The following ZFC3H1 variants were observed in gnomAD, a reference collection of about 807,000 sequenced individuals.
ZFC3H1 encodes zinc finger C3H1 domain-containing protein.
A neutral mutation model predicts 243.7 loss-of-function variants in ZFC3H1; 71 were observed. The ratio of observed to expected loss-of-function variants is 0.29; its 90% CI spans 0.24 to 0.36. The LOEUF is 0.36. Ranked by LOEUF, ZFC3H1 falls within the 10% of genes least tolerant of loss-of-function variation. The pLI is 1.00. For missense variants in ZFC3H1, 1,966 were observed against 2,317.1 expected, an observed-to-expected ratio of 0.85 and a Z score of 3.11; for synonymous variants, 838 against 813.0, an observed-to-expected ratio of 1.03 and a Z score of -0.52.
chr12:71,625,954 C>T (rs1880154083), intron 22 of ZFC3H1, among the ~76,000 whole-genome samples: 2 of 151,960 alleles, frequency 1.3e-5, no homozygotes, highest in South Asian at 4.2e-4. Context: ...TTAACTTTGC[C>T]CAAACTAAAA....
chr12:71,629,355 CG>C (rs1420055154), intron 19 of ZFC3H1, among the ~76,000 whole-genome samples: 14 of 151,908 alleles, frequency 9.2e-5, no homozygotes, highest in Non-Finnish European at 1.5e-5. Flanking sequence ...TTAGTAGAGA[CG>C]GGGTTTCACC....
intron 26 of ZFC3H1, 65 bp from the exon 27 acceptor site, chr12:71,619,474 G>A: frequency 2.7e-6 from 4 of 1,484,092 alleles, no homozygotes; most frequent in Admixed American, 2.0e-5. Context: ...ATGTCACGAG[G>A]GAGAAAAAAA....
In ZFC3H1 at chr12:71,642,444, C is replaced by T. The variant is rs2137546209; in HGVS notation, c.1619G>A (p.Ser540Asn). 12 of 1,611,824 alleles carry T rather than the reference C, an allele frequency of 7.4e-6. No homozygotes were observed. Among genetic ancestry groups the T allele is most frequent in the Non-Finnish European group, 1.0e-5 (12 of 1,178,990 alleles). ...EVAMDTDSET[S>N]SPAPSPVQPP... ...CAAGTTTTGGCTCATACCTGGAGAA[C>T]TGGTTTCACTATCTGTATCCATAGC... The change falls in exon 6 of 35, where the codon AGT becomes AAT. Residue 540 changes from serine to asparagine, a missense_variant. By Grantham distance (46) the Ser-to-Asn change is conservative. Transcript: ENST00000378743.
chr12:71,613,600 G>GCTGATT, intron 30 of ZFC3H1, 165 bp from the exon 31 acceptor site: 1 of 496,580 alleles, frequency 2.0e-6, no homozygotes. Context: ...TTTTATTAGT[G>GCTGATT]ACTTTCCAAA....
At position 71,619,882 on chromosome 12, in the gene ZFC3H1, G is replaced by A. The variant is rs1432555119; in HGVS notation, c.5049+44C>T. The stretch of plus-strand genomic sequence containing the variant: ...CCTGGTGAGGCCAATAGCAAAATTT[G>A]AAACATAAAAGCATCATATTTAAGA... On this transcript the variant is annotated intron_variant, in intron 26 of 34. Coordinates refer to ENST00000378743, the MANE Select transcript of ZFC3H1 (RefSeq NM_144982.5). The A allele has an allele frequency of 3.2e-6, 5 of 1,542,032 alleles. No individual in the cohort carries two copies. The African/African-American group carries it at 5.5e-5, about 17-fold the overall frequency.
intron 3 of ZFC3H1, among the ~76,000 whole-genome samples, chr12:71,647,447 C>T (rs940379079): frequency 6.6e-6 from 1 of 151,950 alleles, no homozygotes; most frequent in African/African-American, 2.4e-5. Context: ...CACAGGATAA[C>T]ACACAAAAAA....
chr12:71,648,373 G>A (rs1331832745), intron 2 of ZFC3H1, among the ~76,000 whole-genome samples: 4 of 152,110 alleles, frequency 2.6e-5, no homozygotes, highest in African/African-American at 9.7e-5. Flanking sequence ...ATGAAATAAT[G>A]TACAAAATCT....
chr12:71,614,971 T>C (rs1879858931), intron 28 of ZFC3H1, 33 bp from the exon 29 acceptor site: 1 of 1,514,148 alleles, frequency 6.6e-7, no homozygotes, highest in African/African-American at 1.4e-5. Flanking sequence ...CATATGTCTA[T>C]CATTCATTTC....
At chr12:71,658,605 T>C (rs549266612) in intron 1 of ZFC3H1, among the ~76,000 whole-genome samples, 3 of 152,176 alleles carry the variant, frequency 2.0e-5, no homozygotes, top group African/African-American at 7.2e-5. Context: ...TTATTTTCAG[T>C]TGGCTAGGAT....
rs1880299835 is a variant in ZFC3H1 at position 71,630,657 on chromosome 12, G to C, written c.3667C>G (p.Leu1223Val). Residue 1223 changes from leucine (L) to valine (V), a missense_variant, in exon 18 of 35, where the codon CTG becomes GTG. Leu to Val is a conservative substitution (Grantham distance 32). Around this residue, in one of 4 missense-constraint regions of ZFC3H1, gnomAD observed 1,383 missense variants for 1,723.7 expected, o/e 0.80. Transcript: ENST00000378743. Reference protein sequence around the residue: ...QLFQDILSYNLSLIGCAETST... With the variant: ...QLFQDILSYNVSLIGCAETST... ...GTCTCTGCACAACCAATCAAAGACA[G>C]ATTATATGACAGAATGTCCTGGAAT... The C allele has an allele frequency of 6.2e-7, 1 of 1,613,638 alleles. No homozygotes were observed.
rs1215043424 is a variant in ZFC3H1, at chr12:71,657,270, T to G, written c.630A>C (p.Lys210Asn). The G allele has an allele frequency of 6.3e-7, 1 of 1,574,888 alleles. No individual in the cohort carries two copies. Residue 210 changes from lysine to asparagine, a missense_variant, in exon 2 of 35, where the codon AAA (lysine) becomes AAC (asparagine). Lys to Asn is a moderately conservative substitution (Grantham distance 94). Transcript: ENST00000378743. ...TTTCATTTTTTGATGAATAATTTTG[T>G]TTTCTTGATGGAGACCTTCCAAAAC... ...SKSFGRSPSR[K>N]QNYSSKNENC...
chr12:71,658,358 G>A (rs528049021), intron 1 of ZFC3H1, among the ~76,000 whole-genome samples: 52 of 138,596 alleles, frequency 3.8e-4, no homozygotes, highest in Non-Finnish European at 6.5e-4. Flanking sequence ...GTGCGATCTC[G>A]GCTCACTGCA....
At chr12:71,610,820 C>A in intron 33 of ZFC3H1, 63 bp from the exon 34 acceptor site, 1 of 1,524,380 alleles carries the variant, frequency 6.6e-7, no homozygotes, top group Non-Finnish European at 9.0e-7. Flanking sequence ...TTCATAATTC[C>A]ATCTGTTTAA....
At chr12:71,611,640 A>G (rs1204285167) in intron 32 of ZFC3H1, 146 bp downstream of exon 32, 4 of 180,020 alleles carry the variant, frequency 2.2e-5, no homozygotes, top group Non-Finnish European at 4.3e-5. Flanking sequence ...AATCTAAATT[A>G]AGAATAGCAA....
Position 71,613,424 on chromosome 12 carries a change from A to G in ZFC3H1, c.5538T>C (p.Phe1846=). The G allele has an allele frequency of 6.2e-7, 1 of 1,606,638 alleles. No individual in the cohort carries two copies. The highest frequency in any genetic ancestry group is 8.5e-7 in the Non-Finnish European group (1 of 1,175,652). ...GGGTCTTTGGAACACAGCTCAAATA[A>G]AAGAAAATAACCTGTAAAGGTTGAG... ...NYEFHNRVIF[F]YLSCVPKTQH... The change falls in exon 31 of 35, where the codon TTT becomes TTC. Residue 1846 remains phenylalanine, a synonymous_variant. Coordinates refer to ENST00000378743, the MANE Select transcript of ZFC3H1 (RefSeq NM_144982.5).
At position 71,623,556 on chromosome 12, in the gene ZFC3H1, G is replaced by A. The variant is rs1006183883; in HGVS notation, c.4548C>T (p.Tyr1516=). The change falls in exon 24 of 35, where the codon TAC becomes TAT. Residue 1516 remains tyrosine (Y), a synonymous_variant. Coordinates refer to ENST00000378743, the MANE Select transcript of ZFC3H1 (RefSeq NM_144982.5). Reference sequence around the variant, plus strand: ...CCAAACATCGATCACTGGTTTTAAGGTATTCAGCTACTATTCCATCATTAG... The same window carrying A: ...CCAAACATCGATCACTGGTTTTAAGATATTCAGCTACTATTCCATCATTAG... The part of the protein sequence containing the change: ...KSANDGIVAE[Y]LKTSDRCLAW... The A allele has an allele frequency of 3.7e-6, 6 of 1,613,154 alleles. No homozygotes were observed. Among genetic ancestry groups the A allele is most frequent in the Non-Finnish European group, 5.1e-6 (6 of 1,179,750 alleles).
At chr12:71,635,412 C>T (rs774619075) in intron 10 of ZFC3H1, 31 bp downstream of exon 10, 2 of 1,551,190 alleles carry the variant, frequency 1.3e-6, no homozygotes, top group African/African-American at 2.8e-5. Context: ...AAAAGGTCAT[C>T]TTTCTTTCCA....
At position 71,642,453 on chromosome 12, in the gene ZFC3H1, C is replaced by T. The variant is rs1285333115; in HGVS notation, c.1610G>A (p.Ser537Asn). 6.2e-7 allele frequency: 1 copy of T among 1,612,490 alleles called. No homozygotes were observed. Among genetic ancestry groups the T allele is most frequent in the East Asian group, 2.2e-5 (1 of 44,832 alleles). Residue 537 changes from serine (S) to asparagine (N), a missense_variant, in exon 6 of 35, where the codon AGT becomes AAT. By Grantham distance (46) the Ser-to-Asn change is conservative. Around this residue, in one of 4 missense-constraint regions of ZFC3H1, gnomAD observed 1,383 missense variants for 1,723.7 expected, o/e 0.80. Coordinates refer to ENST00000378743, the MANE Select transcript of ZFC3H1 (RefSeq NM_144982.5). ...GCTCATACCTGGAGAACTGGTTTCA[C>T]TATCTGTATCCATAGCAACTTCTTC... ...NYEEVAMDTD[S>N]ETSSPAPSPV...
At chr12:71,656,776 G>C in intron 2 of ZFC3H1, 109 bp downstream of exon 2, 2 of 1,175,150 alleles carry the variant, frequency 1.7e-6, no homozygotes, top group East Asian at 2.4e-5. Flanking sequence ...AAGTACAAAA[G>C]AATTTACAGA....
Sources: gnomAD v4.1 joint callset for allele counts (sites outside exome capture counted in the v4.1 genomes callset) on GRCh38, gnomAD v4.1.1 for gene constraint, gnomAD v4.1.1 regional missense constraint, MANE v1.5 for transcripts, NCBI Gene and HGNC (gene_info 2026-07-23, HGNC 2026-07-21) for gene names.